NCALD: variants seen among roughly 807,000 people sequenced by gnomAD.
NCALD encodes neurocalcin delta.
NCALD carries 10 observed loss-of-function variants against 18.6 expected under a neutral mutation model. The ratio of observed to expected loss-of-function variants is 0.54; its 90% CI spans 0.33 to 0.91. NCALD has a LOEUF of 0.91. NCALD is among the 40% of genes least tolerant of loss of function. The pLI is 0.03. For missense variants in NCALD, 184 were observed against 247.6 expected (o/e 0.74, Z 1.72); for synonymous variants, 88 against 87.4 (o/e 1.01, Z -0.04).
At chr8:101,835,127 G>C (rs1360337495) in intron 4 of NCALD, among the ~76,000 whole-genome samples, 1 of 152,082 alleles carries the variant, frequency 6.6e-6, no homozygotes, top group Non-Finnish European at 1.5e-5. Flanking sequence ...AATTTGTAAA[G>C]CAGATAAAAA....
chr8:102,082,916 C>G (rs572995718), intron 1 of NCALD, among the ~76,000 whole-genome samples: 1 of 152,304 alleles, frequency 6.6e-6, no homozygotes, highest in East Asian at 1.9e-4. Context: ...AAATAATTTG[C>G]CAGTCCACGG....
chr8:101,845,037 C>T (rs900119071), intron 4 of NCALD, among the ~76,000 whole-genome samples: 1 of 152,128 alleles, frequency 6.6e-6, no homozygotes, highest in Non-Finnish European at 1.5e-5. Flanking sequence ...AAATGAAGGA[C>T]AGAAGGATGC....
intron 2 of NCALD, among the ~76,000 whole-genome samples, chr8:101,983,364 T>C (rs1460414645): frequency 6.6e-6 from 1 of 152,208 alleles, no homozygotes; most frequent in Non-Finnish European, 1.5e-5. Flanking sequence ...CCCTGTTCCC[T>C]AACCCCAGGA....
intron 2 of NCALD, among the ~76,000 whole-genome samples, chr8:101,718,369 G>C (rs964799394): frequency 6.6e-6 from 1 of 152,026 alleles, no homozygotes; most frequent in African/African-American, 2.4e-5. Context: ...GGCTGGGTGG[G>C]GGTCAATTCA....
At chr8:101,704,600 G>A (rs1271775233) in intron 2 of NCALD, among the ~76,000 whole-genome samples, 1 of 152,142 alleles carries the variant, frequency 6.6e-6, no homozygotes, top group Non-Finnish European at 1.5e-5. Context: ...TGTATGCCTC[G>A]TTAAGAAATT....
intron 4 of NCALD, among the ~76,000 whole-genome samples, chr8:101,834,599 A>G (rs1454358694): frequency 6.6e-6 from 1 of 152,220 alleles, no homozygotes; most frequent in Non-Finnish European, 1.5e-5. Context: ...GTACCTGACC[A>G]ATGTGGTAAA....
intron 4 of NCALD, among the ~76,000 whole-genome samples, chr8:101,815,979 A>T (rs1459981516): frequency 6.6e-6 from 1 of 152,164 alleles, no homozygotes; most frequent in African/African-American, 2.4e-5. Flanking sequence ...TGAGCTACAA[A>T]ACCACGAAAA....
At chr8:101,739,282 C>A (rs550480002) in intron 1 of NCALD, among the ~76,000 whole-genome samples, 9 of 152,230 alleles carry the variant, frequency 5.9e-5, no homozygotes, top group African/African-American at 2.2e-4. Flanking sequence ...CTTACCCCCC[C>A]AGTTAAAAAA....
At chr8:102,005,212 C>T (rs1218004934) in intron 2 of NCALD, among the ~76,000 whole-genome samples, 1 of 152,134 alleles carries the variant, frequency 6.6e-6, no homozygotes, top group Non-Finnish European at 1.5e-5. Context: ...AACAAGTGGG[C>T]GAAGGATATG....
At chr8:101,697,276 C>G (rs572263009) in intron 2 of NCALD, among the ~76,000 whole-genome samples, 3 of 152,264 alleles carry the variant, frequency 2.0e-5, no homozygotes, top group Admixed American at 6.5e-5. Flanking sequence ...AGACCAATAA[C>G]AAGTTCTGAA....
At chr8:101,855,262 T>C (rs560554536) in intron 4 of NCALD, among the ~76,000 whole-genome samples, 1 of 152,280 alleles carries the variant, frequency 6.6e-6, no homozygotes, top group East Asian at 1.9e-4. Context: ...GATAGGACTA[T>C]ATGACTAGCA....
Position 102,077,393 on chromosome 8 carries a change from A to G in NCALD, c.-210+46844T>C, listed in dbSNP as rs1426821756. 2.3e-4 allele frequency among the ~76,000 whole-genome samples: 35 copies of G among 152,224 alleles called. 1 individual carries two copies. Among genetic ancestry groups the G allele is most frequent in the Admixed American group, 2.3e-3 (35 of 15,280 alleles). On this transcript the variant is annotated intron_variant, in intron 1 of 6. Transcript: ENST00000311028. ...AAGCTGGACCAAGAAAGGAAAGAAG[A>G]CAGAAAAGTAGGAAGAAATCCTGAT... is the stretch of plus-strand genomic sequence containing the variant.
At position 101,688,332 on chromosome 8, in the gene NCALD, T is replaced by C. The variant is rs1186691398; in HGVS notation, c.*977A>G. ...TGCATTCAAAATTAAAGTTGGGCCC[T>C]AGTCAGGGTTACTTTGTATTTTTAT... On this transcript the variant is annotated 3_prime_UTR_variant, in exon 4 of 4. Transcript: ENST00000220931. 1 of 203,402 alleles carries C rather than the reference T, an allele frequency of 4.9e-6. No individual in the cohort carries two copies. The highest frequency in any genetic ancestry group is 2.3e-5 in the African/African-American group (1 of 42,808). The allele number at this position is 203,402 out of a possible 1,614,324, so 12.6% of individuals were successfully genotyped here. A position where few individuals can be genotyped will look rare whatever the true frequency, so the allele number is the denominator to read the frequency against.
At chr8:102,019,732 G>T (rs1264015150) in intron 2 of NCALD, among the ~76,000 whole-genome samples, 1 of 152,122 alleles carries the variant, frequency 6.6e-6, no homozygotes, top group Non-Finnish European at 1.5e-5. Context: ...TCATTACGAA[G>T]TTGGTTTTAT....
intron 1 of NCALD, among the ~76,000 whole-genome samples, chr8:102,072,607 AAAT>A (rs559469098): frequency 6.6e-5 from 10 of 151,662 alleles, no homozygotes; most frequent in East Asian, 3.8e-4. Flanking sequence ...GAAGAAAGCA[AAAT>A]AATAATAATA....
chr8:101,691,265 C>T, intron 3 of NCALD: 1 of 985,242 alleles, frequency 1.0e-6, no homozygotes. Context: ...CCTCTCCCAA[C>T]CCTAACCTTT....
At chr8:102,016,220 G>T (rs1822078699) in intron 2 of NCALD, among the ~76,000 whole-genome samples, 1 of 152,112 alleles carries the variant, frequency 6.6e-6, no homozygotes, top group Non-Finnish European at 1.5e-5. Flanking sequence ...TACCAGTAAG[G>T]GAGGGGCAAG....
At chr8:101,941,718 G>A (rs1818963785) in intron 2 of NCALD, among the ~76,000 whole-genome samples, 1 of 152,084 alleles carries the variant, frequency 6.6e-6, no homozygotes, top group Non-Finnish European at 1.5e-5. Context: ...GGGGGAGTAG[G>A]GATGACAGGC....
rs956721732 is a variant in NCALD, at chr8:101,922,141, T to C, written c.-156-6283A>G. On this transcript the variant is annotated intron_variant, in intron 2 of 6. Transcript: ENST00000311028. ...AATATAATTAACTCAATTTTAGACT[T>C]TGAGATTTTACTGAAAAAAAAAAAT... Among the ~76,000 whole-genome samples, 4 of 147,256 alleles carry C rather than the reference T, an allele frequency of 2.7e-5. No individual in the cohort carries two copies. In the South Asian group the frequency reaches 8.5e-4, roughly 31 times the overall value.
Sources: gnomAD v4.1 joint callset for allele counts (sites outside exome capture counted in the v4.1 genomes callset) on GRCh38, gnomAD v4.1.1 for gene constraint, MANE v1.5 for transcripts, NCBI Gene and HGNC (gene_info 2026-07-23, HGNC 2026-07-21) for gene names.